Variants in SHISA6 observed in about 807,000 individuals in gnomAD.
SHISA6 encodes shisa family member 6.
In SHISA6, 22 loss-of-function variants were observed where a neutral mutation model predicts 47.9. That is an observed-to-expected ratio of 0.46 (90% CI 0.33 to 0.66). The LOEUF (loss-of-function observed/expected upper bound fraction) is 0.66, where lower values mean the gene tolerates loss of function less well. Ranked by LOEUF, SHISA6 falls within the 30% of genes least tolerant of loss-of-function variation. The pLI is 0.02. For synonymous variants in SHISA6, 388 were observed against 337.8 expected (o/e 1.15, Z -1.63); for missense variants, 680 against 764.6 (o/e 0.89, Z 1.30).
intron 2 of SHISA6, among the ~76,000 whole-genome samples, chr17:11,355,740 C>T (rs1039755632): frequency 6.6e-6 from 1 of 152,202 alleles, no homozygotes; most frequent in Non-Finnish European, 1.5e-5. Flanking sequence ...GAATCCACAT[C>T]GGCCAGCCTC....
chr17:11,500,377 A>G (rs2071441448), intron 3 of SHISA6, among the ~76,000 whole-genome samples: 1 of 152,200 alleles, frequency 6.6e-6, no homozygotes, highest in Non-Finnish European at 1.5e-5. Flanking sequence ...GTCTCTGTAA[A>G]TGGTGCCACC....
At chr17:11,318,477 C>G (rs779609830) in intron 2 of SHISA6, among the ~76,000 whole-genome samples, 1 of 152,034 alleles carries the variant, frequency 6.6e-6, no homozygotes, top group Non-Finnish European at 1.5e-5. Flanking sequence ...CATCTGCCAC[C>G]CCCTAGGAGG....
chr17:11,272,787 T>C (rs1567556632), intron 2 of SHISA6, among the ~76,000 whole-genome samples: 1 of 152,106 alleles, frequency 6.6e-6, no homozygotes. Flanking sequence ...CGGGGAACAG[T>C]AGGTCATATG....
chr17:11,475,490 T>G (rs1268135635), intron 3 of SHISA6, among the ~76,000 whole-genome samples: 2 of 152,126 alleles, frequency 1.3e-5, no homozygotes, highest in African/African-American at 4.8e-5. Context: ...TTATCATGAA[T>G]GTGTTTTTGA....
At chr17:11,258,891 A>G (rs740650) in intron 1 of SHISA6, among the ~76,000 whole-genome samples, 7,195 of 152,298 alleles carry the variant, frequency 0.047, 223 homozygotes, top group Non-Finnish European at 0.067. Context: ...AGGGACCATT[A>G]CAGGGACATA....
chr17:11,329,651 A>T lies in SHISA6; in HGVS notation c.800-49763A>T, dbSNP rs555067531. 2.1e-4 allele frequency among the ~76,000 whole-genome samples: 32 copies of T among 152,272 alleles called. 1 individual carries two copies. The South Asian group carries it at 6.7e-3, about 32-fold the overall frequency. ...TTGGAAGAGCCTTGGGAACAAATAT[A>T]CTGGGCATTACAGCTTTCCTTATGT... On this transcript the variant is annotated intron_variant, in intron 2 of 5. Coordinates refer to ENST00000441885, the MANE Select transcript of SHISA6 (RefSeq NM_207386.4).
chr17:11,526,517 C>G (rs1172592662), intron 3 of SHISA6, among the ~76,000 whole-genome samples: 1 of 152,034 alleles, frequency 6.6e-6, no homozygotes, highest in East Asian at 1.9e-4. Context: ...ATCATTTTAC[C>G]CTGCACAGCT....
At chr17:11,409,653 G>A (rs1360390808) in intron 3 of SHISA6, among the ~76,000 whole-genome samples, 1 of 147,346 alleles carries the variant, frequency 6.8e-6, no homozygotes, top group Non-Finnish European at 1.5e-5. Flanking sequence ...GCAGTGAGCC[G>A]AGATCGTGCC....
In SHISA6 at chr17:11,559,237, G is replaced by A. The variant is rs112712909; in HGVS notation, c.*933G>A. 6.5e-6 allele frequency: 1 copy of A among 152,672 alleles called. No homozygotes were observed. The highest frequency in any genetic ancestry group is 1.5e-5 in the Non-Finnish European group (1 of 68,318). 9.5% of individuals were successfully genotyped at this position (152,672 alleles called of 1,614,324 possible). On this transcript the variant is annotated 3_prime_UTR_variant, in exon 6 of 6. Coordinates refer to ENST00000441885, the MANE Select transcript of SHISA6 (RefSeq NM_207386.4). The surrounding 1 kb of genome is among the most constrained non-coding windows in gnomAD (Gnocchi z 4.4). ...AGACCTGACCATGACTGCCACTCAG[G>A]CTGCCTTCTCCACCCCTGCTCTGCT...
intron 3 of SHISA6, among the ~76,000 whole-genome samples, chr17:11,461,990 T>A (rs1190031198): frequency 1.6e-4 from 24 of 152,198 alleles, no homozygotes; most frequent in Admixed American, 1.6e-3. Context: ...ATGGGCACAG[T>A]TCATTTTGTG....
intron 3 of SHISA6, among the ~76,000 whole-genome samples, chr17:11,493,216 C>G (rs1349100609): frequency 1.3e-5 from 2 of 152,066 alleles, no homozygotes; most frequent in Non-Finnish European, 2.9e-5. Flanking sequence ...TAATGCAACT[C>G]CTTTTTTTTT....
At chr17:11,532,975 A>C (rs2071749982) in intron 3 of SHISA6, among the ~76,000 whole-genome samples, 1 of 152,074 alleles carries the variant, frequency 6.6e-6, no homozygotes, top group Non-Finnish European at 1.5e-5. Flanking sequence ...GGGATCTGGC[A>C]GACTGCGTGA....
At chr17:11,401,591 G>C in intron 3 of SHISA6, among the ~76,000 whole-genome samples, 1 of 152,184 alleles carries the variant, frequency 6.6e-6, no homozygotes, top group East Asian at 1.9e-4. Flanking sequence ...TTCATGTAAT[G>C]GGGTTCTATA....
At chr17:11,491,753 A>G (rs1260654706) in intron 3 of SHISA6, among the ~76,000 whole-genome samples, 4 of 150,468 alleles carry the variant, frequency 2.7e-5, no homozygotes, top group African/African-American at 9.8e-5. Flanking sequence ...GTGTACTGAA[A>G]GGGAAGCTGG....
chr17:11,511,895 A>G (rs927720346), intron 3 of SHISA6, among the ~76,000 whole-genome samples: 1 of 152,238 alleles, frequency 6.6e-6, no homozygotes, highest in African/African-American at 2.4e-5. Context: ...GGATGTGTAC[A>G]CAAGCCAGAA....
At chr17:11,426,914 C>G (rs567555022) in intron 3 of SHISA6, among the ~76,000 whole-genome samples, 16 of 152,236 alleles carry the variant, frequency 1.1e-4, no homozygotes, top group African/African-American at 3.1e-4. Context: ...TTTCCACAAC[C>G]CTTCTTTGCA....
chr17:11,464,539 C>G (rs1008543623), intron 3 of SHISA6, among the ~76,000 whole-genome samples: 2 of 152,178 alleles, frequency 1.3e-5, no homozygotes, highest in African/African-American at 2.4e-5. Context: ...ACACCCACGT[C>G]CATGAAATGA....
chr17:11,408,800 G>C (rs2142270461), intron 3 of SHISA6, among the ~76,000 whole-genome samples: 1 of 152,292 alleles, frequency 6.6e-6, no homozygotes, highest in East Asian at 1.9e-4. Context: ...GAGCTCAGCT[G>C]TTCCCCTTGC....
At chr17:11,486,370 G>A (rs1432580578) in intron 3 of SHISA6, among the ~76,000 whole-genome samples, 6 of 152,188 alleles carry the variant, frequency 3.9e-5, no homozygotes, top group Admixed American at 2.6e-4. Flanking sequence ...TGAGCCCTCC[G>A]GGGCCAGGGA....
Sources: gnomAD v4.1 joint callset for allele counts (sites outside exome capture counted in the v4.1 genomes callset) on GRCh38, gnomAD v4.1.1 for gene constraint, Gnocchi (gnomAD v3.1) non-coding constraint, MANE v1.5 for transcripts, NCBI Gene and HGNC (gene_info 2026-07-23, HGNC 2026-07-21) for gene names.